The following MIR2052HG variants were observed in gnomAD, a reference collection of about 807,000 sequenced individuals.
The protein encoded by MIR2052HG is MIR2052 host gene.
At chr8:74,673,298 T>C (rs920092892) in intron 2 of MIR2052HG, among the ~76,000 whole-genome samples, 1 of 152,148 alleles carries the variant, frequency 6.6e-6, no homozygotes, top group African/African-American at 2.4e-5. Context: ...CCTGCTAGTT[T>C]AATGAGTCCT....
intron 4 of MIR2052HG, among the ~76,000 whole-genome samples, chr8:74,710,335 A>G (rs1809454860): frequency 6.6e-6 from 1 of 152,114 alleles, no homozygotes; most frequent in South Asian, 2.1e-4. Flanking sequence ...AAAATGCTTT[A>G]TTAGTCCTTT....
At chr8:74,602,713 C>T (rs1358534923) in intron 1 of MIR2052HG, among the ~76,000 whole-genome samples, 1 of 151,742 alleles carries the variant, frequency 6.6e-6, no homozygotes, top group Non-Finnish European at 1.5e-5. Context: ...GACGGAGTTT[C>T]ACCATGTTGG....
intron 2 of MIR2052HG, among the ~76,000 whole-genome samples, chr8:74,648,241 A>G (rs776010771): frequency 7.2e-5 from 11 of 152,112 alleles, no homozygotes; most frequent in Non-Finnish European, 1.3e-4. Context: ...GAGGTCTATG[A>G]ATGGCTGCTC....
intron 2 of MIR2052HG, among the ~76,000 whole-genome samples, chr8:74,682,330 A>G (rs1809134437): frequency 6.6e-6 from 1 of 152,132 alleles, no homozygotes; most frequent in Non-Finnish European, 1.5e-5. Context: ...AACTCTTTTT[A>G]TCAGATGACA....
At position 74,664,205 on chromosome 8, in the gene MIR2052HG, C is replaced by A. The variant is rs150914933; in HGVS notation, n.217-38174C>A. Reference sequence around the variant, plus strand: ...GCAAACTACTCAGATGACAAGTGCACTAAAATCTCAGAATTCACCACTATT... The same window carrying A: ...GCAAACTACTCAGATGACAAGTGCAATAAAATCTCAGAATTCACCACTATT... On this transcript the variant is annotated intron_variant and non_coding_transcript_variant, in intron 2 of 6. Transcript: ENST00000523442. 7.8e-3 allele frequency among the ~76,000 whole-genome samples: 1,170 copies of A among 150,520 alleles called. 21 individuals are homozygous for A. The highest frequency in any genetic ancestry group is 0.027 in the African/African-American group (1,112 of 41,150).
At chr8:74,684,241 G>T (rs2128739339) in intron 2 of MIR2052HG, among the ~76,000 whole-genome samples, 1 of 152,136 alleles carries the variant, frequency 6.6e-6, no homozygotes, top group Non-Finnish European at 1.5e-5. Flanking sequence ...TTTGTGTGTA[G>T]ATCTGCTGGT....
chr8:74,678,721 A>G (rs1191317008), intron 2 of MIR2052HG, among the ~76,000 whole-genome samples: 1 of 152,002 alleles, frequency 6.6e-6, no homozygotes, highest in Non-Finnish European at 1.5e-5. Flanking sequence ...GAAATATAAC[A>G]CAAGGACAAT....
chr8:74,660,828 C>T (rs960121005), intron 2 of MIR2052HG, among the ~76,000 whole-genome samples: 2 of 151,774 alleles, frequency 1.3e-5, no homozygotes, highest in African/African-American at 4.8e-5. Flanking sequence ...AAAAAGTAAT[C>T]TTGCTTTCAT....
At chr8:74,706,639 A>C (rs1809414067) in intron 4 of MIR2052HG, among the ~76,000 whole-genome samples, 1 of 152,136 alleles carries the variant, frequency 6.6e-6, no homozygotes, top group South Asian at 2.1e-4. Context: ...AGAGCAGGTA[A>C]AGAAAACCAT....
At chr8:74,703,695 T>G (rs998125435) in intron 4 of MIR2052HG, 3 of 449,604 alleles carry the variant, frequency 6.7e-6, no homozygotes, top group African/African-American at 6.0e-5. Flanking sequence ...GAGTAGAATT[T>G]CTGCTATGCT....
At chr8:74,668,746 G>A in intron 2 of MIR2052HG, among the ~76,000 whole-genome samples, 1 of 152,192 alleles carries the variant, frequency 6.6e-6, no homozygotes, top group South Asian at 2.1e-4. Flanking sequence ...CCCACCAGAA[G>A]AGAGGCACCT....
At chr8:74,665,653 C>A (rs1444604864) in intron 2 of MIR2052HG, among the ~76,000 whole-genome samples, 1 of 152,114 alleles carries the variant, frequency 6.6e-6, no homozygotes, top group Non-Finnish European at 1.5e-5. Context: ...TTTATTTTGA[C>A]CACATTTATG....
chr8:74,667,275 G>A lies in MIR2052HG; in HGVS notation n.217-35104G>A, dbSNP rs147287239. Among the ~76,000 whole-genome samples the A allele has an allele frequency of 9.2e-5, 14 of 152,248 alleles. No homozygotes were observed. In the East Asian group the frequency reaches 2.3e-3, roughly 25 times the overall value. ...CACTATAGGTACAAGTGAGGGAGCA[G>A]GGCTGTGGCAGTAAGGGCAAGAATT... is the stretch of plus-strand genomic sequence containing the variant. On this transcript the variant is annotated intron_variant and non_coding_transcript_variant, in intron 2 of 6. Transcript: ENST00000523442.
At chr8:74,684,769 A>C (rs778571628) in intron 2 of MIR2052HG, among the ~76,000 whole-genome samples, 1 of 152,150 alleles carries the variant, frequency 6.6e-6, no homozygotes, top group Non-Finnish European at 1.5e-5. Flanking sequence ...CATATACTTT[A>C]GAGTAAAGGT....
chr8:74,606,358 A>G (rs1808112216), intron 1 of MIR2052HG, among the ~76,000 whole-genome samples: 1 of 152,192 alleles, frequency 6.6e-6, no homozygotes, highest in Non-Finnish European at 1.5e-5. Context: ...GAGTCAATTC[A>G]GGTGGAAACA....
chr8:74,665,607 C>T (rs1309081159), intron 2 of MIR2052HG, among the ~76,000 whole-genome samples: 1 of 152,188 alleles, frequency 6.6e-6, no homozygotes, highest in African/African-American at 2.4e-5. Flanking sequence ...ATTTCCTCCA[C>T]ATCTCTTTAG....
chr8:74,626,341 C>G (rs2128733414), intron 2 of MIR2052HG, among the ~76,000 whole-genome samples: 1 of 152,182 alleles, frequency 6.6e-6, no homozygotes, highest in East Asian at 1.9e-4. Context: ...CCACTAAGGG[C>G]TGAGTTGATA....
chr8:74,620,768 T>C (rs1487155312), intron 2 of MIR2052HG, among the ~76,000 whole-genome samples: 2 of 152,246 alleles, frequency 1.3e-5, no homozygotes, highest in Admixed American at 6.5e-5. Context: ...AGGGCTGCCA[T>C]GAAGGTCTCT....
chr8:74,682,712 G>T (rs893409102), intron 2 of MIR2052HG, among the ~76,000 whole-genome samples: 16 of 152,080 alleles, frequency 1.1e-4, no homozygotes, highest in African/African-American at 3.9e-4. Context: ...GCAACCACTA[G>T]GAACATGCTT....
Sources: allele counts gnomAD v4.1 joint callset (sites outside exome capture counted in the v4.1 genomes callset), GRCh38; gene constraint gnomAD v4.1.1; transcripts MANE v1.5; gene names NCBI Gene and HGNC (gene_info 2026-07-23, HGNC 2026-07-21).